The following CHN2 variants were observed in gnomAD, a reference collection of about 807,000 sequenced individuals.
The protein encoded by CHN2 is beta-chimaerin.
CHN2 carries 35 observed loss-of-function variants against 56.3 expected under a neutral mutation model. The observed-to-expected ratio is 0.62, with a 90% CI of 0.47 to 0.82. The LOEUF (loss-of-function observed/expected upper bound fraction) is 0.82. Ranked by LOEUF, CHN2 falls within the 40% of genes least tolerant of loss-of-function variation. CHN2 has a pLI of 0.00. For missense variants in CHN2, 491 were observed against 580.5 expected (o/e 0.85, Z 1.58); for synonymous variants, 210 against 212.8 (o/e 0.99, Z 0.12).
chr7:29,360,902 A>G (rs571299825), intron 2 of CHN2, among the ~76,000 whole-genome samples: 2 of 152,308 alleles, frequency 1.3e-5, no homozygotes, highest in Admixed American at 6.5e-5. Flanking sequence ...AGAAAAAGTA[A>G]AACAGTCTGT....
At chr7:29,423,219 T>A (rs1804521193) in intron 6 of CHN2, among the ~76,000 whole-genome samples, 1 of 152,226 alleles carries the variant, frequency 6.6e-6, no homozygotes, top group South Asian at 2.1e-4. Context: ...AGCCCAGTGA[T>A]GGCCAGACTT....
intron 3 of CHN2, among the ~76,000 whole-genome samples, chr7:29,387,228 G>C (rs1585228591): frequency 1.3e-3 from 1 of 748 alleles, no homozygotes; most frequent in Non-Finnish European, 3.1e-3. Context: ...TCTCACATGT[G>C]GGTATCTCAT....
At chr7:29,355,893 G>GC (rs1798278783) in intron 2 of CHN2, among the ~76,000 whole-genome samples, 1 of 141,208 alleles carries the variant, frequency 7.1e-6, no homozygotes, top group Admixed American at 7.9e-5. Context: ...AAGTGATCCT[G>GC]CCCCCTCAGC....
chr7:29,366,299 C>T (rs1231108075), intron 2 of CHN2, among the ~76,000 whole-genome samples: 1 of 152,020 alleles, frequency 6.6e-6, no homozygotes, highest in African/African-American at 2.4e-5. Flanking sequence ...AAAGAGAATG[C>T]GACCTGAAGA....
intron 2 of CHN2, among the ~76,000 whole-genome samples, chr7:29,168,028 A>T (rs930016737): frequency 6.6e-6 from 1 of 152,196 alleles, no homozygotes; most frequent in South Asian, 2.1e-4. Context: ...TAAACTGGAC[A>T]TTTGTGTGAG....
chr7:29,457,854 G>C (rs940794330), intron 6 of CHN2, among the ~76,000 whole-genome samples: 1 of 152,168 alleles, frequency 6.6e-6, no homozygotes, highest in African/African-American at 2.4e-5. Flanking sequence ...TTGTGCAGCT[G>C]TACTGGGGAC....
At chr7:29,344,937 A>G (rs891170742) in intron 1 of CHN2, among the ~76,000 whole-genome samples, 3 of 152,182 alleles carry the variant, frequency 2.0e-5, no homozygotes, top group Non-Finnish European at 4.4e-5. Flanking sequence ...TGGGACCCTC[A>G]GAAGAATGCA....
At chr7:29,427,572 C>T (rs1042673726) in intron 6 of CHN2, among the ~76,000 whole-genome samples, 9 of 151,728 alleles carry the variant, frequency 5.9e-5, no homozygotes, top group African/African-American at 1.7e-4. Context: ...CCTGTTTATC[C>T]GCTACCAACT....
At chr7:29,381,003 G>C (rs1171879590) in intron 3 of CHN2, among the ~76,000 whole-genome samples, 2 of 152,162 alleles carry the variant, frequency 1.3e-5, no homozygotes, top group Non-Finnish European at 2.9e-5. Context: ...ATTCTCATTT[G>C]CACTGAAGAC....
intron 6 of CHN2, among the ~76,000 whole-genome samples, chr7:29,403,547 C>A (rs1802398684): frequency 6.6e-6 from 1 of 151,804 alleles, no homozygotes; most frequent in Non-Finnish European, 1.5e-5. Flanking sequence ...TAATAATTGG[C>A]AAAAAGAGAT....
chr7:29,270,367 A>G (rs1054865580), intron 1 of CHN2, among the ~76,000 whole-genome samples: 1 of 151,936 alleles, frequency 6.6e-6, no homozygotes. Context: ...TTAAAAAATG[A>G]TCTAGGTCGA....
chr7:29,373,272 A>G (rs10231122), intron 3 of CHN2, among the ~76,000 whole-genome samples: 4,207 of 151,656 alleles, frequency 0.028, 179 homozygotes, highest in African/African-American at 0.095. Flanking sequence ...TGCTTCCCAA[A>G]TTCAAGCGAT....
At chr7:29,388,631 C>A (rs1045876564) in intron 3 of CHN2, among the ~76,000 whole-genome samples, 1 of 152,106 alleles carries the variant, frequency 6.6e-6, no homozygotes. Context: ...CAGTTTGAGT[C>A]CAGAGCCTGC....
Position 29,367,040 on chromosome 7 carries a change from T to C in CHN2, c.89-892T>C, listed in dbSNP as rs545310027. 1.9e-3 allele frequency among the ~76,000 whole-genome samples: 296 copies of C among 152,300 alleles called. 1 individual carries two copies. Among genetic ancestry groups the C allele is most frequent in the African/African-American group, 6.6e-3 (276 of 41,558 alleles). ...TAGATTTATTCCATTTAAAATTAAT[T>C]ATTTCCTCTTCAGGATTCTGAAGAG... On this transcript the variant is annotated intron_variant, in intron 2 of 12. Coordinates refer to ENST00000222792, the MANE Select transcript of CHN2 (RefSeq NM_004067.4).
intron 6 of CHN2, among the ~76,000 whole-genome samples, chr7:29,421,862 T>G (rs1457358504): frequency 1.3e-5 from 2 of 152,164 alleles, no homozygotes; most frequent in African/African-American, 4.8e-5. Flanking sequence ...TATTGTGATT[T>G]TCTCAGAGGG....
At chr7:29,368,810 C>T (rs1163282337) in intron 3 of CHN2, among the ~76,000 whole-genome samples, 1 of 152,128 alleles carries the variant, frequency 6.6e-6, no homozygotes, top group Non-Finnish European at 1.5e-5. Flanking sequence ...GCCAAGTTAT[C>T]ATGGTTTAAT....
chr7:29,156,342 G>A (rs900791113), intron 2 of CHN2, among the ~76,000 whole-genome samples: 2 of 152,050 alleles, frequency 1.3e-5, no homozygotes, highest in African/African-American at 4.8e-5. Flanking sequence ...ATTAAGCTTG[G>A]TACTTCTCTA....
intron 6 of CHN2, among the ~76,000 whole-genome samples, chr7:29,402,048 G>T (rs987986201): frequency 1.3e-5 from 2 of 152,206 alleles, no homozygotes; most frequent in African/African-American, 4.8e-5. Flanking sequence ...CCTTCCAGTG[G>T]TCACTAATCC....
chr7:29,295,486 G>A (rs1793070464), intron 1 of CHN2, among the ~76,000 whole-genome samples: 1 of 151,868 alleles, frequency 6.6e-6, no homozygotes, highest in Non-Finnish European at 1.5e-5. Flanking sequence ...ATCAGGGCCA[G>A]GCATGGTGGC....
Sources: gnomAD v4.1 joint callset for allele counts (sites outside exome capture counted in the v4.1 genomes callset) on GRCh38, gnomAD v4.1.1 for gene constraint, MANE v1.5 for transcripts, NCBI Gene and HGNC (gene_info 2026-07-23, HGNC 2026-07-21) for gene names.